Variants in ZSWIM6 observed in about 807,000 individuals in gnomAD.
ZSWIM6 encodes the protein zinc finger SWIM domain-containing protein 6.
Under a neutral mutation model 113.2 loss-of-function variants are expected in ZSWIM6, and 9 were observed. The observed-to-expected ratio is 0.08, with a 90% CI of 0.05 to 0.14. The LOEUF (loss-of-function observed/expected upper bound fraction) is 0.14. Ranked by LOEUF, ZSWIM6 falls within the 10% of genes least tolerant of loss-of-function variation. ZSWIM6 has a pLI of 1.00. For missense variants in ZSWIM6, 1,162 were observed against 1,552.2 expected, an observed-to-expected ratio of 0.75 and a Z score of 4.22; for synonymous variants, 611 against 606.5, an observed-to-expected ratio of 1.01 and a Z score of -0.11.
intron 2 of ZSWIM6, among the ~76,000 whole-genome samples, chr5:61,481,964 A>G (rs1001950917): frequency 1.1e-4 from 17 of 152,226 alleles, no homozygotes; most frequent in African/African-American, 3.4e-4. Flanking sequence ...AAAACATGAT[A>G]GACTTTAAAA....
At chr5:61,454,772 T>C (rs901763425) in intron 1 of ZSWIM6, among the ~76,000 whole-genome samples, 6 of 151,884 alleles carry the variant, frequency 4.0e-5, no homozygotes, top group South Asian at 2.1e-4. Flanking sequence ...TTAGTAGAGA[T>C]AGGGTTTCAC....
At chr5:61,458,311 A>G (rs1266002667) in intron 1 of ZSWIM6, among the ~76,000 whole-genome samples, 2 of 152,248 alleles carry the variant, frequency 1.3e-5, no homozygotes, top group South Asian at 4.1e-4. Flanking sequence ...ATGAGTATAT[A>G]TATTTTGGCT....
At chr5:61,439,311 T>C (rs1387897558) in intron 1 of ZSWIM6, among the ~76,000 whole-genome samples, 2 of 152,208 alleles carry the variant, frequency 1.3e-5, no homozygotes, top group Non-Finnish European at 1.5e-5. Flanking sequence ...TATGTACCAT[T>C]ATGTTCTGGG....
intron 7 of ZSWIM6, among the ~76,000 whole-genome samples, chr5:61,529,182 G>A (rs962784322): frequency 1.3e-5 from 2 of 152,068 alleles, no homozygotes; most frequent in Admixed American, 1.3e-4. Context: ...ACTCCAGGCC[G>A]GGCAACAAGA....
At chr5:61,437,647 G>A (rs1387790592) in intron 1 of ZSWIM6, among the ~76,000 whole-genome samples, 2 of 148,848 alleles carry the variant, frequency 1.3e-5, no homozygotes, top group Non-Finnish European at 3.0e-5. Context: ...AGCCTGGGAG[G>A]TTGAGGCTGC....
At chr5:61,399,070 A>G (rs184874634) in intron 1 of ZSWIM6, among the ~76,000 whole-genome samples, 2 of 151,216 alleles carry the variant, frequency 1.3e-5, no homozygotes, top group African/African-American at 4.9e-5. Context: ...CTACAGACGC[A>G]TGCCACCATG....
intron 9 of ZSWIM6, among the ~76,000 whole-genome samples, chr5:61,533,588 GT>G (rs1304431251): frequency 6.6e-5 from 10 of 152,266 alleles, no homozygotes; most frequent in Admixed American, 3.9e-4. Flanking sequence ...CTGACTGAAT[GT>G]TTTACTTGTT....
chr5:61,402,267 G>C (rs1745953371), intron 1 of ZSWIM6, among the ~76,000 whole-genome samples: 1 of 152,140 alleles, frequency 6.6e-6, no homozygotes, highest in African/African-American at 2.4e-5. Flanking sequence ...AAAATTTTAA[G>C]TACATTTAGG....
chr5:61,487,921 A>T (rs1190517189), intron 2 of ZSWIM6, among the ~76,000 whole-genome samples: 1 of 152,068 alleles, frequency 6.6e-6, no homozygotes, highest in Non-Finnish European at 1.5e-5. Flanking sequence ...TATGTTGAAT[A>T]TGAGTGGTGA....
intron 1 of ZSWIM6, among the ~76,000 whole-genome samples, chr5:61,423,821 C>A (rs1462715655): frequency 6.6e-6 from 1 of 152,184 alleles, no homozygotes; most frequent in Non-Finnish European, 1.5e-5. Context: ...TTCAGCTTTT[C>A]CTTTTCATTA....
intron 4 of ZSWIM6, among the ~76,000 whole-genome samples, chr5:61,496,144 T>C (rs917214716): frequency 1.3e-4 from 20 of 152,300 alleles, no homozygotes; most frequent in South Asian, 6.2e-4. Context: ...CAGCTGATTC[T>C]AGTTATGCCC....
At chr5:61,528,788 A>G (rs1749353696) in intron 7 of ZSWIM6, among the ~76,000 whole-genome samples, 1 of 151,868 alleles carries the variant, frequency 6.6e-6, no homozygotes, top group Non-Finnish European at 1.5e-5. Context: ...GGGTTTCACC[A>G]TGTTGGCCAG....
chr5:61,386,301 C>CT (rs1355596611), intron 1 of ZSWIM6, among the ~76,000 whole-genome samples: 1 of 152,150 alleles, frequency 6.6e-6, no homozygotes, highest in African/African-American at 2.4e-5. Context: ...TTTGCCTTTG[C>CT]TTTGTACCTT....
At position 61,545,417 on chromosome 5, in the gene ZSWIM6, T is replaced by A. The variant is rs1159301686; in HGVS notation, c.*1100T>A. 6.6e-6 allele frequency: 1 copy of A among 152,082 alleles called. No individual in the cohort carries two copies. The highest frequency in any genetic ancestry group is 6.6e-5 in the Admixed American group (1 of 15,266). The allele number at this position is 152,082 out of a possible 1,614,324, so 9.4% of individuals were successfully genotyped here. A position where few individuals can be genotyped will look rare whatever the true frequency, so the allele number is the denominator to read the frequency against. On this transcript the variant is annotated 3_prime_UTR_variant, in exon 14 of 14. Coordinates refer to ENST00000252744, the MANE Select transcript of ZSWIM6 (RefSeq NM_020928.2). ...ATTAAGAATATACAATATGCCGGAA[T>A]TGGGGTTCGTGCCTCCTAGCCTAGG...
intron 1 of ZSWIM6, among the ~76,000 whole-genome samples, chr5:61,346,070 G>A (rs1174687657): frequency 6.6e-6 from 1 of 151,854 alleles, no homozygotes; most frequent in African/African-American, 2.4e-5. Context: ...TCAGCCTCCC[G>A]AGTAGCTGGG....
At chr5:61,532,910 C>T (rs1023102676) in intron 9 of ZSWIM6, among the ~76,000 whole-genome samples, 2 of 152,184 alleles carry the variant, frequency 1.3e-5, no homozygotes. Flanking sequence ...TGTCATTAGT[C>T]ACAAGCATTT....
chr5:61,492,855 C>T (rs1748217629), intron 3 of ZSWIM6, among the ~76,000 whole-genome samples: 1 of 152,076 alleles, frequency 6.6e-6, no homozygotes, highest in African/African-American at 2.4e-5. Context: ...TATTGAAGAT[C>T]TACTATTTTC....
intron 1 of ZSWIM6, among the ~76,000 whole-genome samples, chr5:61,405,973 G>T (rs1166111393): frequency 1.3e-5 from 2 of 152,156 alleles, no homozygotes; most frequent in African/African-American, 4.8e-5. Context: ...GTGAGGTCTG[G>T]AGCTTGGGAC....
At chr5:61,487,183 C>T (rs1016507537) in intron 2 of ZSWIM6, among the ~76,000 whole-genome samples, 3 of 151,846 alleles carry the variant, frequency 2.0e-5, no homozygotes, top group African/African-American at 7.3e-5. Flanking sequence ...GTGAATTTTG[C>T]GGATGATCAG....
Sources: gnomAD v4.1 joint callset for allele counts (sites outside exome capture counted in the v4.1 genomes callset) on GRCh38, gnomAD v4.1.1 for gene constraint, MANE v1.5 for transcripts, NCBI Gene and HGNC (gene_info 2026-07-23, HGNC 2026-07-21) for gene names.